The following SGCD variants were observed in gnomAD, a reference collection of about 807,000 sequenced individuals.
The protein encoded by SGCD is delta-sarcoglycan.
A neutral mutation model predicts 36.6 loss-of-function variants in SGCD; 18 were observed. That is an observed-to-expected ratio of 0.49 (90% CI 0.34 to 0.73). SGCD has a LOEUF of 0.73. Ranked by LOEUF, SGCD falls within the 30% of genes least tolerant of loss-of-function variation. The pLI is 0.01. For synonymous variants in SGCD, 133 were observed against 130.6 expected, an observed-to-expected ratio of 1.02 and a Z score of -0.12; for missense variants, 387 against 346.7, an observed-to-expected ratio of 1.12 and a Z score of -0.92.
intron 3 of SGCD, among the ~76,000 whole-genome samples, chr5:156,319,965 C>T (rs1007863653): frequency 6.6e-6 from 1 of 152,212 alleles, no homozygotes; most frequent in Non-Finnish European, 1.5e-5. Context: ...GAAGCAACTA[C>T]TATGTGCCAG....
At chr5:156,352,787 G>T (rs376206934) in intron 3 of SGCD, among the ~76,000 whole-genome samples, 2 of 152,202 alleles carry the variant, frequency 1.3e-5, no homozygotes, top group South Asian at 2.1e-4. Flanking sequence ...AGAGGAGGAA[G>T]TGGAGGCTCC....
chr5:155,786,055 C>G, the SGCD span, among the ~76,000 whole-genome samples: 4 of 152,076 alleles, frequency 2.6e-5, no homozygotes, highest in Non-Finnish European at 5.9e-5. Context: ...ATCATATTTT[C>G]TCTCTAACTG....
intron 4 of SGCD, among the ~76,000 whole-genome samples, chr5:156,586,419 A>G (rs1760498473): frequency 6.6e-6 from 1 of 152,184 alleles, no homozygotes; most frequent in Non-Finnish European, 1.5e-5. Context: ...TTGGTCAGAT[A>G]TCTCAAATGT....
chr5:155,778,672 C>T, the SGCD span, among the ~76,000 whole-genome samples: 1 of 152,104 alleles, frequency 6.6e-6, no homozygotes, highest in Non-Finnish European at 1.5e-5. Flanking sequence ...GCCTTCATCT[C>T]CAGACCCATT....
chr5:155,844,048 A>G, the SGCD span, among the ~76,000 whole-genome samples: 13 of 152,306 alleles, frequency 8.5e-5, no homozygotes, highest in South Asian at 1.4e-3. Flanking sequence ...AGTATCTTCC[A>G]GTAAAACTGA....
intron 1 of SGCD, among the ~76,000 whole-genome samples, chr5:155,945,972 G>A (rs1343584116): frequency 6.6e-6 from 1 of 152,172 alleles, no homozygotes; most frequent in Non-Finnish European, 1.5e-5. Context: ...CATGAAGGGA[G>A]GTGGATGGAT....
intron 1 of SGCD, among the ~76,000 whole-genome samples, chr5:156,024,662 A>T (rs10037831): frequency 6.6e-6 from 1 of 152,124 alleles, no homozygotes; most frequent in African/African-American, 2.4e-5. Flanking sequence ...TTTTTCTGTG[A>T]TATTTATTTT....
chr5:156,017,497 A>G (rs2127572430), intron 1 of SGCD, among the ~76,000 whole-genome samples: 1 of 151,800 alleles, frequency 6.6e-6, no homozygotes, highest in South Asian at 2.1e-4. Context: ...AAGTTTTCTA[A>G]TTTTTCCTAC....
chr5:155,992,329 G>A (rs982404845), intron 1 of SGCD, among the ~76,000 whole-genome samples: 1 of 152,116 alleles, frequency 6.6e-6, no homozygotes, highest in Non-Finnish European at 1.5e-5. Flanking sequence ...AGGAAGGTCA[G>A]GGTACATGTT....
intron 7 of SGCD, among the ~76,000 whole-genome samples, chr5:156,736,567 G>A (rs909766986): frequency 3.3e-5 from 5 of 152,112 alleles, no homozygotes; most frequent in Admixed American, 6.6e-5. Flanking sequence ...CTCTATGAGA[G>A]CTGGCAATTC....
intron 1 of SGCD, among the ~76,000 whole-genome samples, chr5:156,113,595 G>T (rs1030303176): frequency 2.0e-5 from 3 of 152,186 alleles, no homozygotes; most frequent in African/African-American, 7.2e-5. Flanking sequence ...GTAGAAGACA[G>T]TTTGGCAGTT....
chr5:155,867,014 T>A (rs2113265393), upstream of SGCD, among the ~76,000 whole-genome samples: 1 of 152,128 alleles, frequency 6.6e-6, no homozygotes. Flanking sequence ...AAGAAAAGAC[T>A]CAGAATGAAG....
In SGCD at chr5:156,269,490, A is replaced by C. The variant is rs1215495480; in HGVS notation, c.-43-60044A>C. Among the ~76,000 whole-genome samples the C allele has an allele frequency of 1.6e-4, 23 of 145,258 alleles. 3 individuals carry two copies. Among genetic ancestry groups the C allele is most frequent in the African/African-American group, 5.0e-4 (19 of 38,344 alleles). On this transcript the variant is annotated intron_variant, in intron 3 of 9. Transcript: ENST00000517913. ...GTCTCAAAAAAAAAAAAAAAAAAAA[A>C]AAAAAAAAAAAAAAAAAAAACCATC...
At chr5:156,589,647 G>A (rs1760644070) in intron 5 of SGCD, among the ~76,000 whole-genome samples, 2 of 152,174 alleles carry the variant, frequency 1.3e-5, no homozygotes, top group Admixed American at 1.3e-4. Context: ...TCCAATGCTG[G>A]AGGAAAAACA....
At position 156,527,424 on chromosome 5, in the gene SGCD, G is replaced by C. The variant is rs1757691582; in HGVS notation, c.294+18722G>C. Among the ~76,000 whole-genome samples the C allele has an allele frequency of 2.0e-5, 3 of 152,176 alleles. No individual in the cohort carries two copies. The South Asian group carries it at 6.2e-4, about 32-fold the overall frequency. ...TTTGAAAGAGAGAGACAGTGTGTTGGATGTAACCTTCTATCTGTACTTTCT... is the reference window on the plus strand; with the variant it reads ...TTTGAAAGAGAGAGACAGTGTGTTGCATGTAACCTTCTATCTGTACTTTCT... On this transcript the variant is annotated intron_variant, in intron 4 of 8. Coordinates refer to ENST00000337851, the MANE Select transcript of SGCD (RefSeq NM_000337.6).
intron 1 of SGCD, among the ~76,000 whole-genome samples, chr5:155,936,313 C>T (rs548397881): frequency 2.6e-5 from 4 of 152,220 alleles, no homozygotes; most frequent in Admixed American, 1.3e-4. Flanking sequence ...GTGAGCAAGG[C>T]GGAGAGGAGA....
At chr5:156,166,694 C>T (rs989518450) in intron 3 of SGCD, among the ~76,000 whole-genome samples, 1 of 152,180 alleles carries the variant, frequency 6.6e-6, no homozygotes, top group Non-Finnish European at 1.5e-5. Context: ...TCTAATATGT[C>T]TGCCAATTTA....
intron 3 of SGCD, among the ~76,000 whole-genome samples, chr5:156,204,660 A>G (rs946021450): frequency 6.6e-6 from 1 of 152,132 alleles, no homozygotes; most frequent in African/African-American, 2.4e-5. Context: ...GGGTGATAAC[A>G]GTATCTCATG....
At chr5:156,313,448 T>G (rs949272298) in intron 3 of SGCD, among the ~76,000 whole-genome samples, 2 of 152,094 alleles carry the variant, frequency 1.3e-5, no homozygotes, top group East Asian at 1.9e-4. Flanking sequence ...AGAGAGATAC[T>G]GTCATTAAAG....
Sources: gnomAD v4.1 joint callset for allele counts (sites outside exome capture counted in the v4.1 genomes callset) on GRCh38, gnomAD v4.1.1 for gene constraint, MANE v1.5 for transcripts, NCBI Gene and HGNC (gene_info 2026-07-23, HGNC 2026-07-21) for gene names.